MEF2B: variants seen among roughly 807,000 people sequenced by gnomAD.
MEF2B encodes the protein myocyte enhancer factor 2B.
MEF2B carries 15 observed loss-of-function variants against 32.2 expected under a neutral mutation model. That is an observed-to-expected ratio of 0.47 (90% confidence interval 0.31 to 0.72). The LOEUF is 0.72. Ranked by LOEUF, MEF2B falls within the 30% of genes least tolerant of loss-of-function variation. MEF2B has a pLI of 0.05. For synonymous variants in MEF2B, 205 were observed against 225.6 expected, an observed-to-expected ratio of 0.91 and a Z score of 0.82; for missense variants, 441 against 511.5, an observed-to-expected ratio of 0.86 and a Z score of 1.33.
Position 19,147,719 on chromosome 19 carries a change from G to C in MEF2B, c.372C>G (p.Ala124=). 2 of 1,613,802 alleles carry C rather than the reference G, an allele frequency of 1.2e-6. No individual in the cohort carries two copies. The highest frequency in any genetic ancestry group is 1.7e-6 in the Non-Finnish European group (2 of 1,179,850). ...RRLAGEGGDP[A]LPRPRLYPAA... ...TTACATACAGCCGGGGTCGGGGCAA[G>C]GCCGGATCACCCCCTTCGCCTGCCA... The change falls in exon 4 of 9, where the codon GCC becomes GCG. Residue 124 remains alanine (A), a synonymous_variant. Transcript: ENST00000424583.
intron 1 of MEF2B, among the ~76,000 whole-genome samples, chr19:19,156,112 C>T (rs549454481): frequency 1.3e-5 from 2 of 152,130 alleles, no homozygotes; most frequent in African/African-American, 2.4e-5. Context: ...CAGTACCTTC[C>T]TACTCCTTTC....
chr19:19,146,033 A>G lies in MEF2B; in HGVS notation c.882-11T>C, dbSNP rs2146348933. ...AGGCTTCGGCCCCCACTGCAGGGGG[A>G]AAGAGAGAGGGAGGCCGTGAGCTCA... On this transcript the variant is annotated splice_polypyrimidine_tract_variant and intron_variant, in intron 8 of 8. Transcript: ENST00000424583. 1 of 1,421,080 alleles carries G rather than the reference A, an allele frequency of 7.0e-7. No individual in the cohort carries two copies. The highest frequency in any genetic ancestry group is 9.2e-7 in the Non-Finnish European group (1 of 1,087,186). The allele number at this position is 1,421,080 out of a possible 1,614,324, so 88.0% of individuals were successfully genotyped here.
intron 1 of MEF2B, among the ~76,000 whole-genome samples, chr19:19,164,644 T>A (rs1408458499): frequency 6.6e-6 from 1 of 152,078 alleles, no homozygotes; most frequent in Non-Finnish European, 1.5e-5. Flanking sequence ...TGAAACCCCA[T>A]CTCTACTGAA....
chr19:19,164,900 CTT>C lies in MEF2B; in HGVS notation c.-30+5303_-30+5304del, dbSNP rs1028578644. ...CAGGGACAGCCCAAGGTTTTCCTCT[CTT>C]TGTTCCAGAGAAAGCTCTCCCTGCG... is the stretch of plus-strand genomic sequence containing the variant. On this transcript the variant is annotated intron_variant, in intron 1 of 8. Transcript: ENST00000424583. Among the ~76,000 whole-genome samples, 37 of 152,246 alleles carry C rather than the reference CTT, an allele frequency of 2.4e-4. No individual in the cohort carries two copies. The Middle Eastern group carries it at 0.01, about 42-fold the overall frequency.
chr19:19,149,532 A>G, intron 2 of MEF2B, 103 bp from the exon 3 acceptor site: 1 of 1,466,722 alleles, frequency 6.8e-7, no homozygotes, highest in Non-Finnish European at 9.3e-7. Flanking sequence ...AACATGCCTC[A>G]GGATTCTTTC....
At chr19:19,162,109 C>G (rs1176518794) in intron 1 of MEF2B, among the ~76,000 whole-genome samples, 1 of 151,524 alleles carries the variant, frequency 6.6e-6, no homozygotes, top group African/African-American at 2.4e-5. Context: ...GCTGGGTTTC[C>G]TCTTTTTAAT....
intron 3 of MEF2B, 152 bp downstream of exon 3, chr19:19,149,074 G>T: frequency 1.0e-6 from 1 of 957,932 alleles, no homozygotes; most frequent in Non-Finnish European, 1.5e-6. Flanking sequence ...TTGGATGAGT[G>T]GAGGGTCCCT....
At position 19,147,723 on chromosome 19, in the gene MEF2B, G is replaced by A. The variant is rs754381519; in HGVS notation, c.368C>T (p.Pro123Leu). ...ATACAGCCGGGGTCGGGGCAAGGCC[G>A]GATCACCCCCTTCGCCTGCCAGCCT... ...FRRLAGEGGD[P>L]ALPRPRLYPA... is the part of the protein sequence containing the mutation. The change falls in exon 4 of 9, where the codon CCG becomes CTG. Residue 123 changes from proline to leucine, a missense_variant. Transcript: ENST00000424583. 19 of 1,613,694 alleles carry A rather than the reference G, an allele frequency of 1.2e-5. No individual in the cohort carries two copies. The highest frequency in any genetic ancestry group is 8.3e-5 in the Admixed American group (5 of 60,002).
At chr19:19,160,824 G>A (rs1599731900) in intron 1 of MEF2B, among the ~76,000 whole-genome samples, 2 of 152,168 alleles carry the variant, frequency 1.3e-5, no homozygotes, top group South Asian at 4.1e-4. Flanking sequence ...CCCCTCTCCT[G>A]GGGGCTCCAG....
intron 1 of MEF2B, among the ~76,000 whole-genome samples, chr19:19,155,356 T>C (rs1338544195): frequency 6.6e-6 from 1 of 152,216 alleles, no homozygotes; most frequent in African/African-American, 2.4e-5. Context: ...AAGTCCTCCC[T>C]GCCATTCTTC....
At chr19:19,149,109 C>A (rs961391573) in intron 3 of MEF2B, 117 bp downstream of exon 3, 1 of 1,325,836 alleles carries the variant, frequency 7.5e-7, no homozygotes, top group East Asian at 2.5e-5. Context: ...AAATAAAGCA[C>A]GTCAGCCACA....
chr19:19,156,140 A>T (rs1668801956), intron 1 of MEF2B, among the ~76,000 whole-genome samples: 1 of 152,192 alleles, frequency 6.6e-6, no homozygotes, highest in African/African-American at 2.4e-5. Context: ...CCTCATACTT[A>T]GCGTTTATTA....
Position 19,147,008 on chromosome 19 carries a change from C to T in MEF2B, c.541+28G>A, listed in dbSNP as rs1312260683. The T allele has an allele frequency of 4.5e-6, 7 of 1,572,896 alleles. 1 individual carries two copies. The South Asian group carries it at 8.1e-5, about 18-fold the overall frequency. ...GCACCCAAACAGCCCCTCAGGACCTCACCCCTGCCCCACTGTCCCATGCTC... is the reference window on the plus strand; with the variant it reads ...GCACCCAAACAGCCCCTCAGGACCTTACCCCTGCCCCACTGTCCCATGCTC... On this transcript the variant is annotated intron_variant, in intron 5 of 8. Transcript: ENST00000424583.
chr19:19,166,942 G>A (rs553346897), intron 1 of MEF2B, among the ~76,000 whole-genome samples: 2 of 152,126 alleles, frequency 1.3e-5, no homozygotes, highest in South Asian at 2.1e-4. Flanking sequence ...GGTGGCTCAC[G>A]CCTATAATCC....
intron 1 of MEF2B, among the ~76,000 whole-genome samples, chr19:19,156,380 G>A (rs1156481033): frequency 6.6e-6 from 1 of 151,436 alleles, no homozygotes; most frequent in Non-Finnish European, 1.5e-5. Context: ...GCAACATAGC[G>A]AGACCCCTAT....
rs764610350 is a variant in MEF2B, at chr19:19,149,250, G to A, written c.234C>T (p.Ser78=). 2.5e-6 allele frequency: 4 copies of A among 1,613,980 alleles called. No individual in the cohort carries two copies. The highest frequency in any genetic ancestry group is 3.4e-6 in the Non-Finnish European group (4 of 1,180,018). Residue 78 remains serine (S), a synonymous_variant, in exon 3 of 9, where the codon AGC becomes AGT. Coordinates refer to ENST00000424583, the MANE Select transcript of MEF2B (RefSeq NM_001145785.2). ...KYTEYSEPHE[S]RTNTDILETL... ...CCTCGAGGATGTCAGTGTTGGTGCG[G>A]CTCTCGTGGGGCTCGCTGTACTCTG...
At chr19:19,166,688 G>A (rs1222584670) in intron 1 of MEF2B, among the ~76,000 whole-genome samples, 1 of 151,918 alleles carries the variant, frequency 6.6e-6, no homozygotes, top group Admixed American at 6.6e-5. Flanking sequence ...GAGCCCAGGA[G>A]TTCAAGGTCA....
chr19:19,147,190 G>C lies in MEF2B; in HGVS notation c.394-7C>G. ...GCATAGCAGGAGCTGCAGGCTGTGGGTAGAGAAGGGATGGGTCAGAGGACC... is the reference window on the plus strand; with the variant it reads ...GCATAGCAGGAGCTGCAGGCTGTGGCTAGAGAAGGGATGGGTCAGAGGACC... On this transcript the variant is annotated splice_region_variant and splice_polypyrimidine_tract_variant and intron_variant, in intron 4 of 8. Transcript: ENST00000424583. 1 of 1,566,216 alleles carries C rather than the reference G, an allele frequency of 6.4e-7. No homozygotes were observed. Among genetic ancestry groups the C allele is most frequent in the Non-Finnish European group, 8.6e-7 (1 of 1,156,182 alleles).
intron 3 of MEF2B, 119 bp from the exon 4 acceptor site, chr19:19,147,951 G>GC: frequency 6.9e-7 from 1 of 1,449,150 alleles, no homozygotes; most frequent in Non-Finnish European, 9.1e-7. Flanking sequence ...AGGAATGCAG[G>GC]CATGGCCTGC....
Sources: gnomAD v4.1 joint callset for allele counts (sites outside exome capture counted in the v4.1 genomes callset) on GRCh38, gnomAD v4.1.1 for gene constraint, MANE v1.5 for transcripts, NCBI Gene and HGNC (gene_info 2026-07-23, HGNC 2026-07-21) for gene names.